The following CCND3 variants were observed in gnomAD, a reference collection of about 807,000 sequenced individuals.
CCND3 encodes cyclin D3.
Under a neutral mutation model 28.7 loss-of-function variants are expected in CCND3, and 9 were observed. The observed-to-expected ratio is 0.31, with a 90% CI of 0.19 to 0.55. The LOEUF is 0.55. Ranked by LOEUF, CCND3 falls within the 20% of genes least tolerant of loss-of-function variation. The probability of loss-of-function intolerance (pLI) is 0.93; values close to 1 mark genes in which losing one functional copy is unlikely to be tolerated. For synonymous variants in CCND3, 164 were observed against 163.9 expected (o/e 1.00, Z 0.00); for missense variants, 315 against 385.8 (o/e 0.82, Z 1.54).
rs966271704 is a variant in CCND3, at chr6:41,935,706, G to A, written c.*234C>T. ...ACCCCCAGCTAGAGTTGGGAAAGGC[G>A]CTGCTGGTCAGATGCAGGGAGGAGG... is the stretch of plus-strand genomic sequence containing the variant. On this transcript the variant is annotated 3_prime_UTR_variant, in exon 5 of 5. Coordinates refer to ENST00000372991, the MANE Select transcript of CCND3 (RefSeq NM_001760.5). The A allele has an allele frequency of 9.2e-6, 5 of 540,706 alleles. No individual in the cohort carries two copies. Among genetic ancestry groups the A allele is most frequent in the African/African-American group, 1.9e-5 (1 of 53,210 alleles). 33.5% of individuals were successfully genotyped at this position (540,706 alleles called of 1,614,324 possible).
rs149618119 is a variant in CCND3, at chr6:41,995,304, C to T, written c.-46+53197G>A. On this transcript the variant is annotated intron_variant, in intron 1 of 4. Coordinates refer to the CCND3 transcript ENST00000372988. ...GTGCAGTCTTGCTCTGTCGCCCAGG[C>T]TGGAGTGCAGTGGTGCGATCTCAGC... Among the ~76,000 whole-genome samples the T allele has an allele frequency of 2.9e-3, 434 of 152,142 alleles. 2 individuals are homozygous for T. The highest frequency in any genetic ancestry group is 9.5e-3 in the African/African-American group (396 of 41,536).
intron 1 of CCND3, among the ~76,000 whole-genome samples, chr6:42,008,509 C>A (rs1246230117): frequency 6.6e-6 from 1 of 152,146 alleles, no homozygotes; most frequent in Non-Finnish European, 1.5e-5. Context: ...CAGAGCTGCA[C>A]CATTTTCTTT....
At chr6:41,955,707 G>A (rs1776420717) in intron 1 of CCND3, among the ~76,000 whole-genome samples, 1 of 151,122 alleles carries the variant, frequency 6.6e-6, no homozygotes, top group Admixed American at 6.6e-5. Context: ...GGGAGACTAA[G>A]GAGGCAGGAG....
intron 1 of CCND3, among the ~76,000 whole-genome samples, chr6:41,999,931 T>A (rs1762938208): frequency 6.6e-6 from 1 of 152,072 alleles, no homozygotes; most frequent in South Asian, 2.1e-4. Context: ...AGTAGGATAT[T>A]TTAATACATC....
intron 1 of CCND3, among the ~76,000 whole-genome samples, chr6:42,033,655 C>T (rs896919531): frequency 6.6e-6 from 1 of 151,488 alleles, no homozygotes; most frequent in Admixed American, 6.6e-5. Context: ...CGAGACCAGC[C>T]TGACCAACAT....
Position 41,953,129 on chromosome 6 carries a change from G to A in CCND3, c.-45-12544C>T, listed in dbSNP as rs141681314. On this transcript the variant is annotated intron_variant, in intron 1 of 4. Coordinates refer to the CCND3 transcript ENST00000372988. ...TCTACTAAAAATACAAAAATTCGCC[G>A]GGCGTGATGGCTGTAATCCCAGCTA... Among the ~76,000 whole-genome samples the A allele has an allele frequency of 1.0e-3, 150 of 150,242 alleles. 2 individuals carry two copies. The highest frequency in any genetic ancestry group is 5.4e-3 in the East Asian group (28 of 5,164).
chr6:41,936,255 A>G lies in CCND3; in HGVS notation c.712-148T>C. ...CCAGGAATCGCTCTTTAGTTCTCAG[A>G]AACTAGCAAGAGGATGTGGCAAGGG... On this transcript the variant is annotated intron_variant, in intron 4 of 4. Coordinates refer to ENST00000372991, the MANE Select transcript of CCND3 (RefSeq NM_001760.5). The surrounding 1 kb of genome is among the most constrained non-coding windows in gnomAD (Gnocchi z 4.4). 1.2e-6 allele frequency: 1 copy of G among 864,672 alleles called. No individual in the cohort carries two copies. Among genetic ancestry groups the G allele is most frequent in the Non-Finnish European group, 1.7e-6 (1 of 576,778 alleles). The allele number at this position is 864,672 out of a possible 1,614,324, so 53.6% of individuals were successfully genotyped here. A position where few individuals can be genotyped will look rare whatever the true frequency, so the allele number is the denominator to read the frequency against.
At chr6:41,999,564 T>C (rs537079792) in intron 1 of CCND3, among the ~76,000 whole-genome samples, 53 of 152,188 alleles carry the variant, frequency 3.5e-4, no homozygotes, top group Non-Finnish European at 3.5e-4. Context: ...ATAATAATTA[T>C]AAATTTCCAT....
intron 1 of CCND3, among the ~76,000 whole-genome samples, chr6:41,947,616 T>C (rs1462538790): frequency 2.0e-5 from 3 of 152,192 alleles, no homozygotes; most frequent in African/African-American, 7.2e-5. Context: ...TTCCAAAATC[T>C]ACTCTTTTTT....
chr6:41,954,250 T>TA (rs34556754), intron 1 of CCND3, among the ~76,000 whole-genome samples: 2,524 of 35,026 alleles, frequency 0.072, 183 homozygotes, highest in East Asian at 0.12. Flanking sequence ...GATTCTGCCT[T>TA]AAAAAAAAAA....
chr6:41,960,069 G>C (rs1363860257), intron 1 of CCND3, among the ~76,000 whole-genome samples: 2 of 152,160 alleles, frequency 1.3e-5, no homozygotes, highest in African/African-American at 4.8e-5. Context: ...GTGCAGTATT[G>C]ATGCATGCTA....
At chr6:41,975,178 T>C (rs1430894937) in intron 1 of CCND3, among the ~76,000 whole-genome samples, 3 of 152,208 alleles carry the variant, frequency 2.0e-5, no homozygotes, top group Non-Finnish European at 4.4e-5. Context: ...ATGATTGTCA[T>C]AATTTACATG....
chr6:41,995,345 C>T (rs572823559), intron 1 of CCND3, among the ~76,000 whole-genome samples: 4 of 152,140 alleles, frequency 2.6e-5, no homozygotes, highest in Admixed American at 1.3e-4. Context: ...GCCACCTCCA[C>T]CTCCAGGGTT....
chr6:42,024,771 T>C (rs1016543992), intron 1 of CCND3, among the ~76,000 whole-genome samples: 2 of 151,768 alleles, frequency 1.3e-5, no homozygotes, highest in Non-Finnish European at 2.9e-5. Flanking sequence ...AAATACAAAA[T>C]TAAGGGGCCG....
chr6:41,987,610 C>T (rs376533377), intron 1 of CCND3, among the ~76,000 whole-genome samples: 1 of 150,714 alleles, frequency 6.6e-6, no homozygotes, highest in South Asian at 2.1e-4. Context: ...TCAAGTGATC[C>T]TCCAGCCTCA....
At chr6:41,974,474 G>T (rs1276985812) in intron 1 of CCND3, among the ~76,000 whole-genome samples, 1 of 152,134 alleles carries the variant, frequency 6.6e-6, no homozygotes, top group Non-Finnish European at 1.5e-5. Context: ...GTAGCTGGGG[G>T]TTGCTAGGGC....
chr6:42,025,140 T>A (rs1251486665), intron 1 of CCND3, among the ~76,000 whole-genome samples: 3 of 152,062 alleles, frequency 2.0e-5, no homozygotes, highest in African/African-American at 7.2e-5. Context: ...CCTTGGGGAA[T>A]AAAGTGAGAG....
At chr6:41,946,469 C>T (rs985346696), upstream of CCND3, among the ~76,000 whole-genome samples, 2 of 151,460 alleles carry the variant, frequency 1.3e-5, no homozygotes, top group Non-Finnish European at 2.9e-5. Context: ...AACGCAGTGG[C>T]GCACGCCTGT....
chr6:42,011,669 C>A lies in CCND3; in HGVS notation c.-46+36832G>T, dbSNP rs568083642. ...GGACCAAAATCCTCCTACCTCTCCACCACCCCAGAATTGAAGATGCAGAGT... is the reference window on the plus strand; with the variant it reads ...GGACCAAAATCCTCCTACCTCTCCAACACCCCAGAATTGAAGATGCAGAGT... On this transcript the variant is annotated intron_variant, in intron 1 of 4. Coordinates refer to the CCND3 transcript ENST00000372988. Among the ~76,000 whole-genome samples the A allele has an allele frequency of 5.3e-5, 8 of 152,310 alleles. No individual in the cohort carries two copies. In the South Asian group the frequency reaches 1.7e-3, roughly 32 times the overall value.
Sources: gnomAD v4.1 joint callset for allele counts (sites outside exome capture counted in the v4.1 genomes callset) on GRCh38, gnomAD v4.1.1 for gene constraint, Gnocchi (gnomAD v3.1) non-coding constraint, MANE v1.5 for transcripts, NCBI Gene and HGNC (gene_info 2026-07-23, HGNC 2026-07-21) for gene names.